ESRRG: variants seen among roughly 807,000 people sequenced by gnomAD.
ESRRG encodes estrogen related receptor gamma.
In ESRRG, 13 loss-of-function variants were observed where a neutral mutation model predicts 44.0. The observed-to-expected ratio is 0.30, with a 90% CI of 0.19 to 0.47. The LOEUF (loss-of-function observed/expected upper bound fraction) is 0.47. ESRRG is among the 20% of genes least tolerant of loss of function. The pLI, the probability that ESRRG is intolerant of heterozygous loss-of-function variation, is 1.00. For synonymous variants in ESRRG, 215 were observed against 214.6 expected, an observed-to-expected ratio of 1.00 and a Z score of -0.02; for missense variants, 395 against 580.6, an observed-to-expected ratio of 0.68 and a Z score of 3.29.
At chr1:216,605,720 G>A (rs2059843869) in intron 3 of ESRRG, among the ~76,000 whole-genome samples, 1 of 152,062 alleles carries the variant, frequency 6.6e-6, no homozygotes, top group South Asian at 2.1e-4. Context: ...GTTCATTAGT[G>A]CCAAAATGAT....
At chr1:216,578,736 C>T (rs182690148) in intron 3 of ESRRG, among the ~76,000 whole-genome samples, 16 of 152,062 alleles carry the variant, frequency 1.1e-4, no homozygotes, top group Middle Eastern at 6.8e-3. Context: ...GCAGAGATTA[C>T]GAGAGAAAAA....
At chr1:217,039,647 A>G (rs371864616) in intron 1 of ESRRG, among the ~76,000 whole-genome samples, 2 of 152,236 alleles carry the variant, frequency 1.3e-5, no homozygotes, top group African/African-American at 4.8e-5. Flanking sequence ...GGGAGCCACA[A>G]GATAAGATTT....
intron 1 of ESRRG, among the ~76,000 whole-genome samples, chr1:217,056,165 C>T (rs946095469): frequency 1.1e-4 from 16 of 152,076 alleles, no homozygotes; most frequent in Admixed American, 9.8e-4. Flanking sequence ...GCCTTGGGTA[C>T]CTGAATAACT....
chr1:216,610,204 C>T (rs977573053), intron 3 of ESRRG, among the ~76,000 whole-genome samples: 6 of 139,588 alleles, frequency 4.3e-5, no homozygotes, highest in African/African-American at 1.3e-4. Context: ...GTACAAAATT[C>T]AGTGCTTTTT....
chr1:217,086,460 A>G (rs1388509277), intron 1 of ESRRG, among the ~76,000 whole-genome samples: 2 of 152,218 alleles, frequency 1.3e-5, no homozygotes, highest in African/African-American at 4.8e-5. Context: ...CTAACAACAA[A>G]CAACTACTAC....
At chr1:216,989,397 C>CACTCTGTCTGCATGGTAGAG (rs2075335733) in intron 1 of ESRRG, among the ~76,000 whole-genome samples, 1 of 138,114 alleles carries the variant, frequency 7.2e-6, no homozygotes, top group Non-Finnish European at 1.5e-5. Context: ...GTTGCCACTG[C>CACTCTGTCTGCATGGTAGAG]ACTCTGTCTG....
At chr1:217,135,426 G>C (rs2093034925) in intron 1 of ESRRG, among the ~76,000 whole-genome samples, 1 of 152,214 alleles carries the variant, frequency 6.6e-6, no homozygotes, top group Admixed American at 6.5e-5. Context: ...TAGAGAATGA[G>C]AAGGGAGAAA....
At chr1:217,010,698 T>C (rs2078434521) in intron 1 of ESRRG, among the ~76,000 whole-genome samples, 1 of 152,160 alleles carries the variant, frequency 6.6e-6, no homozygotes, top group Admixed American at 6.6e-5. Context: ...ACACCAAATT[T>C]GGCCCCGTGA....
At chr1:216,700,272 A>C (rs1261385221) in intron 1 of ESRRG, among the ~76,000 whole-genome samples, 2 of 152,202 alleles carry the variant, frequency 1.3e-5, no homozygotes, top group Non-Finnish European at 1.5e-5. Flanking sequence ...ACTTTTAAAA[A>C]ACTTCATTTT....
At chr1:216,774,811 T>TTTTTTTTTTTTTA (rs1559583231) in intron 2 of ESRRG, among the ~76,000 whole-genome samples, 3 of 149,308 alleles carry the variant, frequency 2.0e-5, no homozygotes, top group Non-Finnish European at 4.5e-5. Flanking sequence ...TTTTTTTTTT[T>TTTTTTTTTTTTTA]AAGACAGAAT....
At chr1:217,108,274 G>A (rs995161570) in intron 1 of ESRRG, among the ~76,000 whole-genome samples, 3 of 152,066 alleles carry the variant, frequency 2.0e-5, no homozygotes, top group Non-Finnish European at 2.9e-5. Flanking sequence ...ACCTCCTTTA[G>A]TTATTCCCCA....
intron 2 of ESRRG, among the ~76,000 whole-genome samples, chr1:216,808,531 A>G (rs919186213): frequency 4.6e-5 from 7 of 152,018 alleles, no homozygotes; most frequent in African/African-American, 1.7e-4. Context: ...GGTTTAAGCA[A>G]TCCTCTCACT....
At chr1:216,744,450 A>C (rs950573361) in intron 2 of ESRRG, among the ~76,000 whole-genome samples, 1 of 149,178 alleles carries the variant, frequency 6.7e-6, no homozygotes, top group Non-Finnish European at 1.5e-5. Context: ...ATCTGAGTCT[A>C]GTACCACACA....
At chr1:216,615,587 T>C (rs556191086) in intron 3 of ESRRG, among the ~76,000 whole-genome samples, 41 of 152,334 alleles carry the variant, frequency 2.7e-4, no homozygotes, top group Non-Finnish European at 5.7e-4. Context: ...GTTTGGTATA[T>C]GGCATTGTGA....
intron 2 of ESRRG, among the ~76,000 whole-genome samples, chr1:216,828,901 A>T (rs1295193414): frequency 6.6e-6 from 1 of 152,152 alleles, no homozygotes; most frequent in East Asian, 1.9e-4. Context: ...TGCACATTTC[A>T]GTGAGCATTT....
intron 1 of ESRRG, among the ~76,000 whole-genome samples, chr1:217,022,425 T>C (rs146179224): frequency 1.3e-5 from 2 of 152,220 alleles, no homozygotes; most frequent in Non-Finnish European, 2.9e-5. Flanking sequence ...GAAACTGTTA[T>C]GACAGGATTC....
At chr1:216,852,356 T>C (rs182486012) in intron 2 of ESRRG, among the ~76,000 whole-genome samples, 225 of 152,286 alleles carry the variant, frequency 1.5e-3, no homozygotes, top group African/African-American at 4.1e-3. Flanking sequence ...CAGGACATTG[T>C]ATAGGAAATT....
intron 1 of ESRRG, among the ~76,000 whole-genome samples, chr1:217,101,371 G>C: frequency 6.6e-6 from 1 of 152,208 alleles, no homozygotes; most frequent in East Asian, 1.9e-4. Flanking sequence ...GTTTAGCACA[G>C]TGATCATAGC....
At chr1:217,005,760 A>G (rs1435986227) in intron 1 of ESRRG, among the ~76,000 whole-genome samples, 2 of 152,168 alleles carry the variant, frequency 1.3e-5, no homozygotes, top group African/African-American at 4.8e-5. Flanking sequence ...CTAAAACCAT[A>G]GCTTTCTATG....
Sources: allele counts gnomAD v4.1 joint callset (sites outside exome capture counted in the v4.1 genomes callset), GRCh38; gene constraint gnomAD v4.1.1; transcripts MANE v1.5; gene names NCBI Gene and HGNC (gene_info 2026-07-23, HGNC 2026-07-21).